The following UNC5C variants were observed in gnomAD, a reference collection of about 807,000 sequenced individuals.
UNC5C encodes the protein unc-5 netrin receptor C.
In UNC5C, 47 loss-of-function variants were observed where a neutral mutation model predicts 99.8. The observed-to-expected ratio is 0.47, with a 90% confidence interval of 0.37 to 0.60. The LOEUF (loss-of-function observed/expected upper bound fraction) is 0.60, where lower values mean the gene tolerates loss of function less well. Among genes scored for constraint, UNC5C ranks in the 20% least tolerant of loss-of-function variants. UNC5C has a pLI of 0.00. For synonymous variants in UNC5C, 487 were observed against 452.2 expected (o/e 1.08, Z -0.98); for missense variants, 1,062 against 1,165.9 (o/e 0.91, Z 1.30).
intron 2 of UNC5C, among the ~76,000 whole-genome samples, chr4:95,317,770 C>G (rs1188689609): frequency 6.6e-6 from 1 of 152,130 alleles, no homozygotes; most frequent in Non-Finnish European, 1.5e-5. Flanking sequence ...TTTATAGTTA[C>G]CTTAGAAATA....
chr4:95,209,776 T>C (rs1456567085), intron 10 of UNC5C, among the ~76,000 whole-genome samples: 5 of 152,212 alleles, frequency 3.3e-5, no homozygotes, highest in Non-Finnish European at 7.3e-5. Context: ...TCATAGTTAA[T>C]ACTATACTAT....
At chr4:95,196,352 T>C (rs1737383188) in intron 12 of UNC5C, among the ~76,000 whole-genome samples, 1 of 152,200 alleles carries the variant, frequency 6.6e-6, no homozygotes, top group Admixed American at 6.5e-5. Context: ...TCCAAACTAT[T>C]CTCACAATTC....
At chr4:95,506,940 C>T (rs1446676641) in intron 1 of UNC5C, among the ~76,000 whole-genome samples, 1 of 151,290 alleles carries the variant, frequency 6.6e-6, no homozygotes, top group African/African-American at 2.4e-5. Flanking sequence ...ATTATACATG[C>T]AAGGTATAAT....
At chr4:95,437,226 T>A (rs911295667) in intron 1 of UNC5C, among the ~76,000 whole-genome samples, 2 of 151,816 alleles carry the variant, frequency 1.3e-5, no homozygotes, top group Admixed American at 6.6e-5. Flanking sequence ...TGTCAATTCT[T>A]ATATATTAAA....
intron 1 of UNC5C, among the ~76,000 whole-genome samples, chr4:95,457,092 A>G (rs908329593): frequency 1.3e-5 from 2 of 152,130 alleles, no homozygotes; most frequent in Non-Finnish European, 2.9e-5. Flanking sequence ...AATTTCCCAC[A>G]ATACCTTTAC....
At chr4:95,216,442 T>C (rs1203226582) in intron 9 of UNC5C, among the ~76,000 whole-genome samples, 1 of 152,190 alleles carries the variant, frequency 6.6e-6, no homozygotes, top group African/African-American at 2.4e-5. Flanking sequence ...CTTGTTTTAT[T>C]TGAGGAACAG....
intron 12 of UNC5C, among the ~76,000 whole-genome samples, chr4:95,193,192 C>T (rs1368399274): frequency 6.6e-6 from 1 of 152,180 alleles, no homozygotes; most frequent in Non-Finnish European, 1.5e-5. Context: ...ACTGCTGCCA[C>T]GAGGCCAGGC....
chr4:95,235,358 A>T (rs934528382), intron 7 of UNC5C, among the ~76,000 whole-genome samples: 2 of 152,090 alleles, frequency 1.3e-5, no homozygotes, highest in Non-Finnish European at 2.9e-5. Context: ...AATTTGTTTG[A>T]GTTCATTGTA....
At chr4:95,381,242 G>A (rs1745061659) in intron 1 of UNC5C, among the ~76,000 whole-genome samples, 1 of 152,154 alleles carries the variant, frequency 6.6e-6, no homozygotes, top group Non-Finnish European at 1.5e-5. Flanking sequence ...ACATCATAGT[G>A]CATCCACGAG....
intron 1 of UNC5C, among the ~76,000 whole-genome samples, chr4:95,544,348 C>T (rs756806714): frequency 8.5e-5 from 13 of 152,132 alleles, no homozygotes; most frequent in Non-Finnish European, 1.6e-4. Flanking sequence ...AATGCTGTTG[C>T]AACGCAAACT....
intron 1 of UNC5C, among the ~76,000 whole-genome samples, chr4:95,423,594 G>A (rs940179060): frequency 9.2e-5 from 14 of 152,126 alleles, no homozygotes; most frequent in Non-Finnish European, 1.8e-4. Context: ...TGAGATTTTC[G>A]TCTTTCAGTA....
intron 1 of UNC5C, among the ~76,000 whole-genome samples, chr4:95,437,184 A>G (rs988713715): frequency 6.6e-6 from 1 of 151,898 alleles, no homozygotes; most frequent in Non-Finnish European, 1.5e-5. Flanking sequence ...CAATTATGCA[A>G]TTCTAATTGT....
chr4:95,202,047 T>C (rs888093655), intron 12 of UNC5C, among the ~76,000 whole-genome samples: 1 of 152,172 alleles, frequency 6.6e-6, no homozygotes, highest in Non-Finnish European at 1.5e-5. Flanking sequence ...CCTTTTCAGA[T>C]TTCCTCAAAG....
intron 1 of UNC5C, among the ~76,000 whole-genome samples, chr4:95,484,713 T>C (rs185785714): frequency 6.6e-6 from 1 of 151,836 alleles, no homozygotes; most frequent in African/African-American, 2.4e-5. Flanking sequence ...GTTAAGCCAC[T>C]GAGGTTTGGA....
At chr4:95,199,784 C>CTGTT (rs992620843) in intron 12 of UNC5C, among the ~76,000 whole-genome samples, 2 of 151,480 alleles carry the variant, frequency 1.3e-5, no homozygotes, top group East Asian at 1.9e-4. Flanking sequence ...TTTCTTGGAA[C>CTGTT]TGTTGAAAAG....
At chr4:95,188,242 T>G (rs895519707) in intron 12 of UNC5C, among the ~76,000 whole-genome samples, 5 of 152,054 alleles carry the variant, frequency 3.3e-5, no homozygotes, top group Non-Finnish European at 7.4e-5. Context: ...CAGTGAAGGA[T>G]TCAGTAACCT....
intron 1 of UNC5C, among the ~76,000 whole-genome samples, chr4:95,344,565 G>A (rs1042249905): frequency 6.6e-6 from 1 of 151,912 alleles, no homozygotes; most frequent in Non-Finnish European, 1.5e-5. Context: ...TTATAATTCT[G>A]GTATGTAATC....
chr4:95,354,495 T>TTTTTTTTA (rs1560800980), intron 1 of UNC5C, among the ~76,000 whole-genome samples: 1 of 78,148 alleles, frequency 1.3e-5, no homozygotes, highest in Admixed American at 9.9e-5. Context: ...TTTTTTTTTT[T>TTTTTTTTA]AAGAGACAGG....
chr4:95,192,147 C>A (rs1737146175), intron 12 of UNC5C, among the ~76,000 whole-genome samples: 1 of 145,190 alleles, frequency 6.9e-6, no homozygotes, highest in Non-Finnish European at 1.5e-5. Context: ...CCATGCTCAC[C>A]TCTTCTGCTC....
Sources: gnomAD v4.1 joint callset for allele counts (sites outside exome capture counted in the v4.1 genomes callset) on GRCh38, gnomAD v4.1.1 for gene constraint, MANE v1.5 for transcripts, NCBI Gene and HGNC (gene_info 2026-07-23, HGNC 2026-07-21) for gene names.